SULT6B1: variants seen among roughly 807,000 people sequenced by gnomAD.
SULT6B1 encodes the protein sulfotransferase 6B1.
Under a neutral mutation model 37.2 loss-of-function variants are expected in SULT6B1, and 44 were observed. That is an observed-to-expected ratio of 1.18 (90% confidence interval 0.93 to 1.52). SULT6B1 has a LOEUF of 1.52. Among genes scored for constraint, SULT6B1 ranks in the 40% most tolerant of loss-of-function variants. The probability of loss-of-function intolerance (pLI) is 0.00; values close to 1 mark genes in which losing one functional copy is unlikely to be tolerated. For synonymous variants in SULT6B1, 140 were observed against 126.0 expected, an observed-to-expected ratio of 1.11 and a Z score of -0.74; for missense variants, 450 against 361.0, an observed-to-expected ratio of 1.25 and a Z score of -2.00.
chr2:37,192,491 A>G (rs1221620780), upstream of SULT6B1, among the ~76,000 whole-genome samples: 1 of 152,200 alleles, frequency 6.6e-6, no homozygotes, highest in Non-Finnish European at 1.5e-5. Flanking sequence ...TAGTATTTTT[A>G]TATTTCTATA....
chr2:37,193,564 C>A (rs1242859838), upstream of SULT6B1, among the ~76,000 whole-genome samples: 6 of 86,398 alleles, frequency 6.9e-5, no homozygotes, highest in Admixed American at 1.4e-4. Flanking sequence ...TAGACATTTA[C>A]CAAAAAAAAA....
At chr2:37,183,832 C>T (rs1333290329) in intron 2 of SULT6B1, among the ~76,000 whole-genome samples, 2 of 152,008 alleles carry the variant, frequency 1.3e-5, no homozygotes, top group African/African-American at 4.8e-5. Flanking sequence ...TTAGTAGAGA[C>T]AGGGTTTCAC....
chr2:37,189,693 A>G (rs1676743383), upstream of SULT6B1, among the ~76,000 whole-genome samples: 1 of 152,102 alleles, frequency 6.6e-6, no homozygotes. Flanking sequence ...GTGTCTCTTA[A>G]TGCGTGTGCG....
In SULT6B1 at chr2:37,167,952, ATT is replaced by A. The variant is rs775564234; in HGVS notation, c.893_894del (p.Glu298ValfsTer26). The A allele has an allele frequency of 1.3e-6, 2 of 1,595,418 alleles. No homozygotes were observed. The highest frequency in any genetic ancestry group is 1.7e-6 in the Non-Finnish European group (2 of 1,175,718). Reference sequence around the variant, plus strand: ...GACTGGAATCAACCCTGGCAATATGATTCATACTTCAACTTTGCTCCGAGGGA... The same window carrying A: ...GACTGGAATCAACCCTGGCAATATGACATACTTCAACTTTGCTCCGAGGGA... ...GTSLGAKLKYESYCQG is the reference protein window; with the variant it reads ...GTSLGAKLKYXSYCQG On this transcript the variant is annotated frameshift_variant, in exon 7 of 7. Coordinates refer to ENST00000535679, the MANE Select transcript of SULT6B1 (RefSeq NM_001367551.1). LOFTEE classifies it high-confidence loss of function.
At chr2:37,183,551 T>A in intron 2 of SULT6B1, 37 bp from the exon 3 acceptor site, 1 of 1,422,394 alleles carries the variant, frequency 7.0e-7, no homozygotes, top group Non-Finnish European at 9.9e-7. Flanking sequence ...AATGTGCACG[T>A]GTGTGCATGT....
rs181458943 is a variant in SULT6B1 at position 37,187,577 on chromosome 2, T to C, written c.200-110A>G. The C allele has an allele frequency of 9.4e-5, 53 of 565,536 alleles. No homozygotes were observed. The East Asian group carries it at 1.4e-3, about 15-fold the overall frequency. 35.0% of individuals were successfully genotyped at this position (565,536 alleles called of 1,614,324 possible). On this transcript the variant is annotated intron_variant, in intron 1 of 6. Transcript: ENST00000535679. Reference sequence around the variant, plus strand: ...ATTAAAATCTACAACCATTCCCTGATGTGTATATTTAGTTCTTCTGTCTTT... The same window carrying C: ...ATTAAAATCTACAACCATTCCCTGACGTGTATATTTAGTTCTTCTGTCTTT...
intron 3 of SULT6B1, among the ~76,000 whole-genome samples, chr2:37,182,429 G>C (rs59380055): frequency 0.27 from 41,527 of 151,716 alleles, 6,796 homozygotes; most frequent in East Asian, 0.79. Flanking sequence ...ATTTTTAGTA[G>C]GTTGGTGCAA....
chr2:37,174,039 T>C (rs1676361343), intron 5 of SULT6B1, among the ~76,000 whole-genome samples: 1 of 152,114 alleles, frequency 6.6e-6, no homozygotes, highest in Non-Finnish European at 1.5e-5. Context: ...AGCCCTGGTT[T>C]ATTCCTACTG....
intron 1 of SULT6B1, among the ~76,000 whole-genome samples, chr2:37,193,933 T>C (rs1244607870): frequency 6.6e-6 from 1 of 152,146 alleles, no homozygotes; most frequent in Non-Finnish European, 1.5e-5. Flanking sequence ...TCTACTGGAG[T>C]CTACACTTTT....
intron 4 of SULT6B1, among the ~76,000 whole-genome samples, chr2:37,177,597 T>C (rs1329932500): frequency 6.6e-6 from 1 of 152,092 alleles, no homozygotes; most frequent in Non-Finnish European, 1.5e-5. Flanking sequence ...TATGAAGTTA[T>C]GAATTATTCA....
chr2:37,189,584 T>C (rs1676741801), upstream of SULT6B1, among the ~76,000 whole-genome samples: 1 of 152,174 alleles, frequency 6.6e-6, no homozygotes, highest in South Asian at 2.1e-4. Context: ...CCCAGGGAAG[T>C]AAGCATGTGC....
At chr2:37,171,308 A>G (rs1351520669) in intron 6 of SULT6B1, 126 bp downstream of exon 6, 34 of 1,168,512 alleles carry the variant, frequency 2.9e-5, no homozygotes, top group Non-Finnish European at 4.1e-5. Context: ...GCCTGTGTCC[A>G]GACCTCTTAC....
At chr2:37,185,717 C>CAAAA (rs200087048) in intron 2 of SULT6B1, among the ~76,000 whole-genome samples, 5 of 83,366 alleles carry the variant, frequency 6.0e-5, no homozygotes, top group Non-Finnish European at 7.5e-5. Flanking sequence ...GACTCCATTT[C>CAAAA]AAAAAAAAAA....
chr2:37,181,897 CAGA>C (rs1558449113), intron 3 of SULT6B1, among the ~76,000 whole-genome samples: 1 of 152,194 alleles, frequency 6.6e-6, no homozygotes, highest in Non-Finnish European at 1.5e-5. Flanking sequence ...AACTGTTTAA[CAGA>C]GCTATTCAAA....
intron 4 of SULT6B1, among the ~76,000 whole-genome samples, chr2:37,178,065 G>A (rs13422797): frequency 0.14 from 21,349 of 151,750 alleles, 2,589 homozygotes; most frequent in African/African-American, 0.33. Flanking sequence ...TTTTTGAGAC[G>A]GAGTTTCTCA....
chr2:37,191,803 G>T (rs1676786487), upstream of SULT6B1, among the ~76,000 whole-genome samples: 1 of 152,182 alleles, frequency 6.6e-6, no homozygotes, highest in Non-Finnish European at 1.5e-5. Flanking sequence ...ATGAGGGAAG[G>T]AGTGACAGGG....
chr2:37,183,306 A>G, intron 3 of SULT6B1, 119 bp downstream of exon 3: 2 of 782,070 alleles, frequency 2.6e-6, no homozygotes, highest in Non-Finnish European at 2.0e-6. Flanking sequence ...CAAAAAAACT[A>G]AATGTCACAG....
intron 3 of SULT6B1, among the ~76,000 whole-genome samples, chr2:37,181,614 C>T (rs1321786120): frequency 7.4e-6 from 1 of 135,742 alleles, no homozygotes; most frequent in East Asian, 5.2e-4. Flanking sequence ...CTCCTGGGCT[C>T]AAGCGATCCC....
chr2:37,186,088 C>T (rs1421432506), intron 2 of SULT6B1, among the ~76,000 whole-genome samples: 1 of 152,150 alleles, frequency 6.6e-6, no homozygotes, highest in African/African-American at 2.4e-5. Context: ...TGGAAATGGG[C>T]TTCCTTCCAT....
Sources: gnomAD v4.1 joint callset for allele counts (sites outside exome capture counted in the v4.1 genomes callset) on GRCh38, gnomAD v4.1.1 for gene constraint, MANE v1.5 for transcripts, NCBI Gene and HGNC (gene_info 2026-07-23, HGNC 2026-07-21) for gene names.